VSTM4: variants seen among roughly 807,000 people sequenced by gnomAD.
VSTM4 encodes the protein V-set and transmembrane domain-containing protein 4.
Under a neutral mutation model 36.4 loss-of-function variants are expected in VSTM4, and 20 were observed. The ratio of observed to expected loss-of-function variants is 0.55; its 90% confidence interval spans 0.39 to 0.80. The LOEUF is 0.80. Ranked by LOEUF, VSTM4 falls within the 30% of genes least tolerant of loss-of-function variation. The probability of loss-of-function intolerance (pLI) is 0.00; values close to 1 mark genes in which losing one functional copy is unlikely to be tolerated. For synonymous variants in VSTM4, 182 were observed against 173.9 expected (o/e 1.05, Z -0.37); for missense variants, 392 against 404.5 (o/e 0.97, Z 0.26).
In VSTM4 at chr10:49,014,719, G is replaced by T. The variant is rs1843078492; in HGVS notation, c.*4931C>A. Reference sequence around the variant, plus strand: ...CCCTGCCCTCTGCAGAGTTCACACTGCAGATCCCTTCTTCCTTTGAGACAC... The same window carrying T: ...CCCTGCCCTCTGCAGAGTTCACACTTCAGATCCCTTCTTCCTTTGAGACAC... On this transcript the variant is annotated 3_prime_UTR_variant, in exon 8 of 8. Transcript: ENST00000332853. The T allele has an allele frequency of 6.6e-6, 1 of 152,292 alleles. No homozygotes were observed. The highest frequency in any genetic ancestry group is 6.5e-5 in the Admixed American group (1 of 15,276). The allele number at this position is 152,292 out of a possible 1,614,324, so 9.4% of individuals were successfully genotyped here. A position where few individuals can be genotyped will look rare whatever the true frequency, so the allele number is the denominator to read the frequency against.
chr10:49,055,809 A>G (rs952421712), intron 5 of VSTM4, among the ~76,000 whole-genome samples: 1 of 152,368 alleles, frequency 6.6e-6, no homozygotes. Flanking sequence ...ACATGAGCCA[A>G]CCACATAGAA....
intron 4 of VSTM4, among the ~76,000 whole-genome samples, chr10:49,068,136 G>A (rs1436432080): frequency 6.6e-6 from 1 of 152,018 alleles, no homozygotes; most frequent in Non-Finnish European, 1.5e-5. Flanking sequence ...TGGATAGGGA[G>A]GACCAACTGT....
At chr10:49,056,179 C>G (rs2131968991) in intron 5 of VSTM4, among the ~76,000 whole-genome samples, 1 of 152,366 alleles carries the variant, frequency 6.6e-6, no homozygotes, top group South Asian at 2.1e-4. Context: ...GAAGCTCATC[C>G]TTAGAGCCAC....
In VSTM4 at chr10:49,077,201, C is replaced by T; in HGVS notation, c.634+18G>A. The stretch of plus-strand genomic sequence containing the variant: ...GGGTGTGCTCCCATCCCAGACATGA[C>T]CTTATCTGTTTTCTTACCTCTGGAT... On this transcript the variant is annotated intron_variant, in intron 4 of 7. Transcript: ENST00000332853. The T allele has an allele frequency of 6.2e-7, 1 of 1,612,536 alleles. No homozygotes were observed. The highest frequency in any genetic ancestry group is 1.1e-5 in the South Asian group (1 of 91,018).
chr10:49,076,448 C>A (rs577299602), intron 4 of VSTM4, among the ~76,000 whole-genome samples: 1 of 152,248 alleles, frequency 6.6e-6, no homozygotes, highest in Admixed American at 6.5e-5. Flanking sequence ...GGAGTCGGTC[C>A]ATTTCCAGAG....
chr10:49,073,836 T>C (rs1301764700), intron 4 of VSTM4, among the ~76,000 whole-genome samples: 1 of 152,238 alleles, frequency 6.6e-6, no homozygotes, highest in African/African-American at 2.4e-5. Context: ...AGGAAACCCA[T>C]TCATGAGAGC....
intron 5 of VSTM4, among the ~76,000 whole-genome samples, chr10:49,063,068 G>A (rs577465032): frequency 6.8e-4 from 102 of 151,036 alleles, no homozygotes; most frequent in Middle Eastern, 3.4e-3. Context: ...CCTGCAGGTG[G>A]TGCCTCATGC....
chr10:49,076,433 G>C (rs1338138957), intron 4 of VSTM4, among the ~76,000 whole-genome samples: 1 of 152,190 alleles, frequency 6.6e-6, no homozygotes, highest in African/African-American at 2.4e-5. Context: ...GGAGCCACTG[G>C]AACCGGAGTC....
chr10:49,029,560 C>T (rs1377322218), intron 7 of VSTM4, among the ~76,000 whole-genome samples: 1 of 152,210 alleles, frequency 6.6e-6, no homozygotes, highest in African/African-American at 2.4e-5. Flanking sequence ...CGTGGGCAGT[C>T]CCAGGCATCG....
chr10:49,030,591 GA>G (rs1843330616), intron 7 of VSTM4, among the ~76,000 whole-genome samples: 1 of 152,202 alleles, frequency 6.6e-6, no homozygotes, highest in African/African-American at 2.4e-5. Context: ...GGATGGATAT[GA>G]AGACGTGCAC....
chr10:49,103,371 A>T, intron 2 of VSTM4: 1 of 337,896 alleles, frequency 3.0e-6, no homozygotes, highest in Non-Finnish European at 4.2e-6. Context: ...ATTAGGTTTT[A>T]AATTTTAATT....
chr10:49,039,939 A>C (rs1214023655), intron 7 of VSTM4, among the ~76,000 whole-genome samples: 1 of 152,242 alleles, frequency 6.6e-6, no homozygotes, highest in Non-Finnish European at 1.5e-5. Context: ...TTCTGAAACA[A>C]GGAAGTAATG....
At chr10:49,112,843 C>T (rs1299909687) in intron 1 of VSTM4, among the ~76,000 whole-genome samples, 1 of 152,230 alleles carries the variant, frequency 6.6e-6, no homozygotes, top group African/African-American at 2.4e-5. Context: ...GTTAAGGTGT[C>T]TAACCCCCTT....
intron 2 of VSTM4, among the ~76,000 whole-genome samples, chr10:49,096,896 A>G (rs1224846143): frequency 1.3e-5 from 2 of 151,878 alleles, no homozygotes; most frequent in Admixed American, 1.3e-4. Context: ...CTCGTGATCC[A>G]CCCACCTCAA....
At chr10:49,066,291 T>C (rs1257986149) in intron 4 of VSTM4, among the ~76,000 whole-genome samples, 1 of 152,226 alleles carries the variant, frequency 6.6e-6, no homozygotes, top group Non-Finnish European at 1.5e-5. Flanking sequence ...CAAACAAGAA[T>C]TAATGTAAAA....
At chr10:49,025,856 T>C (rs1843253138) in intron 7 of VSTM4, among the ~76,000 whole-genome samples, 1 of 152,158 alleles carries the variant, frequency 6.6e-6, no homozygotes, top group Non-Finnish European at 1.5e-5. Flanking sequence ...AAGGGTCAGG[T>C]TGTTTCTGCC....
intron 3 of VSTM4, among the ~76,000 whole-genome samples, chr10:49,082,284 G>A (rs1236512676): frequency 1.3e-5 from 2 of 152,326 alleles, no homozygotes; most frequent in East Asian, 3.9e-4. Context: ...AATAATGCTG[G>A]TTGAAAGGTT....
At chr10:49,020,723 A>G (rs1445837751) in intron 7 of VSTM4, among the ~76,000 whole-genome samples, 1 of 125,320 alleles carries the variant, frequency 8.0e-6, no homozygotes, top group Admixed American at 8.5e-5. Flanking sequence ...GAAGGAAGGA[A>G]AGAAGAAGGA....
intron 4 of VSTM4, among the ~76,000 whole-genome samples, chr10:49,076,512 G>C (rs1417674377): frequency 1.3e-5 from 2 of 152,188 alleles, no homozygotes; most frequent in African/African-American, 4.8e-5. Context: ...AAGCTGTTTT[G>C]GAGATTCTGA....
Sources: allele counts gnomAD v4.1 joint callset (sites outside exome capture counted in the v4.1 genomes callset), GRCh38; gene constraint gnomAD v4.1.1; transcripts MANE v1.5; gene names NCBI Gene and HGNC (gene_info 2026-07-23, HGNC 2026-07-21).